PRDM1: variants seen among roughly 807,000 people sequenced by gnomAD.
The protein encoded by PRDM1 is PR domain zinc finger protein 1.
Under a neutral mutation model 62.8 loss-of-function variants are expected in PRDM1, and 13 were observed. That is an observed-to-expected ratio of 0.21 (90% confidence interval 0.13 to 0.33). The LOEUF (loss-of-function observed/expected upper bound fraction) is 0.33, where lower values mean the gene tolerates loss of function less well. Ranked by LOEUF, PRDM1 falls within the 10% of genes least tolerant of loss-of-function variation. PRDM1 has a pLI of 1.00. For missense variants in PRDM1, 895 were observed against 1,058.8 expected (o/e 0.85, Z 2.15); for synonymous variants, 396 against 417.6 (o/e 0.95, Z 0.63).
intron 1 of PRDM1, among the ~76,000 whole-genome samples, chr6:106,031,678 G>A (rs1171531209): frequency 6.6e-6 from 1 of 152,168 alleles, no homozygotes; most frequent in Non-Finnish European, 1.5e-5. Flanking sequence ...TCCAGTTGAC[G>A]GGGAAACCAT....
At chr6:106,049,163 G>A (rs1024642434) in intron 1 of PRDM1, among the ~76,000 whole-genome samples, 1 of 152,082 alleles carries the variant, frequency 6.6e-6, no homozygotes, top group African/African-American at 2.4e-5. Context: ...AGAGAATGTG[G>A]GCACGATAGT....
chr6:106,105,062 T>C lies in PRDM1; in HGVS notation c.902T>C (p.Ile301Thr), dbSNP rs2114651941. The C allele has an allele frequency of 6.2e-7, 1 of 1,614,074 alleles. No individual in the cohort carries two copies. Among genetic ancestry groups the C allele is most frequent in the Non-Finnish European group, 8.5e-7 (1 of 1,180,004 alleles). ...TTCTACCCTCGGGTCGTTTACCCCA[T>C]CCGGGCCCCTCTGCCAGAAGACTTT... The part of the protein sequence containing the change: ...MPFYPRVVYP[I>T]RAPLPEDFLK... The change falls in exon 5 of 7, where the codon ATC (isoleucine) becomes ACC (threonine). Residue 301 changes from isoleucine (I) to threonine (T), a missense_variant. Around this residue, in one of 4 missense-constraint regions of PRDM1, gnomAD observed 444 missense variants for 422.7 expected, o/e 1.05. Coordinates refer to ENST00000369096, the MANE Select transcript of PRDM1 (RefSeq NM_001198.4).
upstream of PRDM1, among the ~76,000 whole-genome samples, chr6:106,081,398 G>C (rs1562161968): frequency 6.6e-6 from 1 of 152,212 alleles, no homozygotes; most frequent in East Asian, 1.9e-4. Flanking sequence ...TCCCTGAGCT[G>C]CAGCCCTGCC....
chr6:106,103,692 G>C (rs954852034), intron 4 of PRDM1, among the ~76,000 whole-genome samples: 1 of 152,208 alleles, frequency 6.6e-6, no homozygotes, highest in Non-Finnish European at 1.5e-5. Context: ...GGCAGGGATA[G>C]TCTAGAACTG....
At chr6:106,089,066 A>C (rs948233234) in intron 2 of PRDM1, among the ~76,000 whole-genome samples, 1 of 152,212 alleles carries the variant, frequency 6.6e-6, no homozygotes, top group East Asian at 1.9e-4. Flanking sequence ...TGGCAGGCCA[A>C]TTCCTTACTG....
At position 106,099,391 on chromosome 6, in the gene PRDM1, C is replaced by A; in HGVS notation, c.503C>A (p.Pro168His). Reference protein sequence around the residue: ...WMRYVNPAHSPREQNLAACQN... With the variant: ...WMRYVNPAHSHREQNLAACQN... ...CGCTATGTGAATCCAGCACACTCTC[C>A]CCGGGAGCAAAACCTGGCTGCGTGT... The change falls in exon 4 of 7, where the codon CCC (proline) becomes CAC (histidine). Residue 168 changes from proline to histidine, a missense_variant. Physicochemically the swap from Pro to His is moderately conservative, Grantham distance 77 (BLOSUM62 -2). Coordinates refer to ENST00000369096, the MANE Select transcript of PRDM1 (RefSeq NM_001198.4). 1 of 1,614,178 alleles carries A rather than the reference C, an allele frequency of 6.2e-7. No homozygotes were observed. Among genetic ancestry groups the A allele is most frequent in the Non-Finnish European group, 8.5e-7 (1 of 1,180,032 alleles).
intron 1 of PRDM1, among the ~76,000 whole-genome samples, chr6:106,006,101 G>A (rs2114546072): frequency 6.6e-6 from 1 of 152,326 alleles, no homozygotes; most frequent in South Asian, 2.1e-4. Context: ...TCACGAAGGT[G>A]TCCGATTCCT....
rs1434946354 is a variant in PRDM1 at position 106,104,691 on chromosome 6, G to A, written c.665-134G>A. 5 of 1,175,418 alleles carry A rather than the reference G, an allele frequency of 4.3e-6. No homozygotes were observed. In the South Asian group the frequency reaches 4.5e-5, roughly 11 times the overall value. 72.8% of individuals were successfully genotyped at this position (1,175,418 alleles called of 1,614,324 possible). On this transcript the variant is annotated intron_variant, in intron 4 of 6. Coordinates refer to ENST00000369096, the MANE Select transcript of PRDM1 (RefSeq NM_001198.4). Reference sequence around the variant, plus strand: ...CCAGAGCCTTCTAGAATGAGAGTGCGTTGGAAGCCAGATATGTGGCGATTG... The same window carrying A: ...CCAGAGCCTTCTAGAATGAGAGTGCATTGGAAGCCAGATATGTGGCGATTG...
At chr6:106,103,075 A>G (rs959466304) in intron 4 of PRDM1, among the ~76,000 whole-genome samples, 2 of 152,108 alleles carry the variant, frequency 1.3e-5, no homozygotes, top group African/African-American at 4.8e-5. Flanking sequence ...GGAGATATTT[A>G]TTTTGTTTTA....
rs1019806195 is a variant in PRDM1, at chr6:106,107,253, A to C, written c.2245A>C (p.Ile749Leu). The change falls in exon 7 of 7, where the codon ATC (isoleucine) becomes CTC (leucine). Residue 749 changes from isoleucine to leucine, a missense_variant. Coordinates refer to ENST00000369096, the MANE Select transcript of PRDM1 (RefSeq NM_001198.4). ...CCGGCTCGAGGACGTGGAGGATGACATCAGTGTGATCTCTGTAGTGGAGAA... is the reference window on the plus strand; with the variant it reads ...CCGGCTCGAGGACGTGGAGGATGACCTCAGTGTGATCTCTGTAGTGGAGAA... ...ADRLEDVEDD[I>L]SVISVVEKEI... is the part of the protein sequence containing the mutation. The C allele has an allele frequency of 7.4e-6, 12 of 1,614,078 alleles. No homozygotes were observed. Among genetic ancestry groups the C allele is most frequent in the Middle Eastern group, 1.6e-4 (1 of 6,084 alleles).
Position 106,099,564 on chromosome 6 carries a change from A to C in PRDM1, c.664+12A>C. 6.2e-7 allele frequency: 1 copy of C among 1,612,276 alleles called. No homozygotes were observed. Among genetic ancestry groups the C allele is most frequent in the Non-Finnish European group, 8.5e-7 (1 of 1,178,770 alleles). ...AATGATGAATCTCAGTAAGTGGATT[A>C]CAGAACAAAAAAATAAAAAATGCCA... On this transcript the variant is annotated intron_variant, in intron 4 of 6. Coordinates refer to ENST00000369096, the MANE Select transcript of PRDM1 (RefSeq NM_001198.4).
chr6:106,095,839 C>A, intron 3 of PRDM1, 105 bp downstream of exon 3: 1 of 1,288,394 alleles, frequency 7.8e-7, no homozygotes, highest in Non-Finnish European at 1.1e-6. Flanking sequence ...AATGCTGGGG[C>A]TCACCCATAA....
At chr6:106,074,269 C>T (rs988833341) in intron 1 of PRDM1, among the ~76,000 whole-genome samples, 1 of 152,266 alleles carries the variant, frequency 6.6e-6, no homozygotes, top group South Asian at 2.1e-4. Context: ...AAATTACTTT[C>T]CCTGAGAGTC....
chr6:106,022,887 T>G (rs1455187134), intron 1 of PRDM1, among the ~76,000 whole-genome samples: 1 of 152,212 alleles, frequency 6.6e-6, no homozygotes, highest in African/African-American at 2.4e-5. Context: ...ATTTCACTAT[T>G]TCTTATAGAT....
intron 1 of PRDM1, among the ~76,000 whole-genome samples, chr6:106,038,014 C>CTTTTTTTTTTTTTTTTTTGTTTTTTT (rs1772945559): frequency 2.1e-5 from 1 of 47,800 alleles, no homozygotes. Flanking sequence ...CTATTTTTGT[C>CTTTTTTTTTTTTTTTTTTGTTTTTTT]TTTTTTTTTT....
chr6:106,034,635 C>CTCTT (rs745833853), intron 1 of PRDM1, among the ~76,000 whole-genome samples: 5,604 of 88,206 alleles, frequency 0.064, 519 homozygotes, highest in Non-Finnish European at 0.076. Flanking sequence ...TGTTCTCTCT[C>CTCTT]TTTTTTTTTT....
Position 106,105,288 on chromosome 6 carries a change from C to T in PRDM1, c.1128C>T (p.Tyr376=), listed in dbSNP as rs189928362. 1 of 1,613,780 alleles carries T rather than the reference C, an allele frequency of 6.2e-7. No individual in the cohort carries two copies. The highest frequency in any genetic ancestry group is 2.2e-5 in the East Asian group (1 of 44,866). ...AAGAGCACCGGGACTCCTACGCTTA[C>T]TTGAACGCGTCCTACGGCACGGAAG... is the stretch of plus-strand genomic sequence containing the variant. ...GSQEHRDSYA[Y]LNASYGTEGL... is the part of the protein sequence containing the mutation. Residue 376 remains tyrosine, a synonymous_variant, in exon 5 of 7, where the codon TAC becomes TAT. Transcript: ENST00000369096.
Position 106,106,020 on chromosome 6 carries a change from A to G in PRDM1, c.1773+87A>G, listed in dbSNP as rs564113062. On this transcript the variant is annotated intron_variant, in intron 5 of 6. Transcript: ENST00000369096. This position sits in a 1 kb window ranked among gnomAD's most constrained non-coding sequence, Gnocchi z 4.4. ...TTGCTTTCCATGGGGTATCGATTGC[A>G]TTTGCAGTAGTATGAGCCCCCGGTT... 1.3e-6 allele frequency: 2 copies of G among 1,514,560 alleles called. No individual in the cohort carries two copies. Among genetic ancestry groups the G allele is most frequent in the Admixed American group, 2.1e-5 (1 of 46,988 alleles). 93.8% of individuals were successfully genotyped at this position (1,514,560 alleles called of 1,614,324 possible).
intron 4 of PRDM1, 132 bp downstream of exon 4, chr6:106,099,684 C>CT: frequency 1.6e-6 from 2 of 1,263,608 alleles, no homozygotes; most frequent in Non-Finnish European, 1.1e-6. Flanking sequence ...AAGCTAGGGA[C>CT]TAGGAAGAGG....
Sources: gnomAD v4.1 joint callset for allele counts (sites outside exome capture counted in the v4.1 genomes callset) on GRCh38, gnomAD v4.1.1 for gene constraint, gnomAD v4.1.1 regional missense constraint, Gnocchi (gnomAD v3.1) non-coding constraint, MANE v1.5 for transcripts, NCBI Gene and HGNC (gene_info 2026-07-23, HGNC 2026-07-21) for gene names.